ZNF841: variants seen among roughly 807,000 people sequenced by gnomAD.
ZNF841 encodes zinc finger protein 841, also known as TCONS_00006091.
Under a neutral mutation model 13.0 loss-of-function variants are expected in ZNF841, and 11 were observed. The observed-to-expected ratio is 0.85, with a 90% CI of 0.53 to 1.40. ZNF841 has a LOEUF of 1.40. ZNF841 is among the 40% of genes most tolerant of loss of function. The pLI, the probability that ZNF841 is intolerant of heterozygous loss-of-function variation, is 0.00. For synonymous variants in ZNF841, 369 were observed against 381.6 expected, an observed-to-expected ratio of 0.97 and a Z score of 0.38; for missense variants, 1,068 against 1,139.5, an observed-to-expected ratio of 0.94 and a Z score of 0.90.
intron 2 of ZNF841, among the ~76,000 whole-genome samples, chr19:52,093,349 A>C (rs965663100): frequency 2.6e-5 from 4 of 152,204 alleles, no homozygotes; most frequent in Non-Finnish European, 2.9e-5. Flanking sequence ...ACATTATGCT[A>C]GGTGAAATAA....
Position 52,065,213 on chromosome 19 carries a change from G to C in ZNF841, c.2669C>G (p.Ser890Ter), listed in dbSNP as rs1177838942. The C allele has an allele frequency of 1.2e-6, 2 of 1,612,526 alleles. No homozygotes were observed. Among genetic ancestry groups the C allele is most frequent in the Admixed American group, 1.7e-5 (1 of 59,866 alleles). Residue 890 changes from serine to a stop codon, truncating the protein, a stop_gained, in exon 7 of 7, where the codon TCA (serine) becomes TGA (stop). Transcript: ENST00000594440. LOFTEE classifies it low-confidence loss of function (END_TRUNC). ...NECGKSYISR[S>*]GLTKHQIKHA... is the part of the protein sequence containing the mutation. ...TTTTATCTGATGTTTAGTGAGGCCT[G>C]AGCGACTAATGTAAGATTTGCCACA...
At chr19:52,091,614 G>A (rs368904354) in intron 2 of ZNF841, among the ~76,000 whole-genome samples, 79 of 152,152 alleles carry the variant, frequency 5.2e-4, no homozygotes, top group African/African-American at 1.8e-3. Flanking sequence ...AAATCCTGTC[G>A]GGAAAACTGT....
At chr19:52,075,904 A>C (rs1401936297) in intron 6 of ZNF841, 140 bp downstream of exon 6, 1 of 1,232,126 alleles carries the variant, frequency 8.1e-7, no homozygotes, top group African/African-American at 1.5e-5. Flanking sequence ...TCTGGAAAGC[A>C]AAGTGATAAG....
Position 52,065,164 on chromosome 19 carries a change from A to C in ZNF841, c.2718T>G (p.Thr906=), listed in dbSNP as rs764354237. The change falls in exon 7 of 7, where the codon ACT becomes ACG. Residue 906 remains threonine, a synonymous_variant. Transcript: ENST00000594440. ...CTAACGGCCTTTCCACATTGAGTTT[A>C]GTTGTAAGGTTCTCTCCAGCATGTT... ...QIKHAGENLT[T]KLNVERPLDV... The C allele has an allele frequency of 7.7e-5, 122 of 1,578,550 alleles. No individual in the cohort carries two copies. The highest frequency in any genetic ancestry group is 1.7e-6 in the Non-Finnish European group (2 of 1,163,098).
intron 6 of ZNF841, among the ~76,000 whole-genome samples, chr19:52,070,120 A>T (rs1350876283): frequency 1.3e-5 from 2 of 152,218 alleles, no homozygotes; most frequent in Non-Finnish European, 2.9e-5. Flanking sequence ...TGGGTTTGCA[A>T]GATCAAACAT....
chr19:52,066,349 T>G lies in ZNF841; in HGVS notation c.1533A>C (p.Lys511Asn). Residue 511 changes from lysine (K) to asparagine (N), a missense_variant, in exon 7 of 7, where the codon AAA becomes AAC. Physicochemically the swap from Lys to Asn is moderately conservative, Grantham distance 94. Coordinates refer to ENST00000594440, the MANE Select transcript of ZNF841 (RefSeq NM_001136499.2). ...TGCCACATTCATTACATTTGTAAGG[T>G]TTCTCTCCAGTATGAACTCTCTGAT... is the stretch of plus-strand genomic sequence containing the variant. ...AVHQRVHTGEKPYKCNECGKA... is the reference protein window; with the variant it reads ...AVHQRVHTGENPYKCNECGKA... 1 of 1,614,034 alleles carries G rather than the reference T, an allele frequency of 6.2e-7. No homozygotes were observed. The highest frequency in any genetic ancestry group is 8.5e-7 in the Non-Finnish European group (1 of 1,179,950).
the ZNF841 span, among the ~76,000 whole-genome samples, chr19:52,059,355 A>AG: frequency 1.9e-5 from 2 of 103,388 alleles, no homozygotes; most frequent in Admixed American, 1.1e-4. Context: ...GTCTAAAAAA[A>AG]AAAAAAAAAA....
At chr19:52,078,680 C>A (rs1206526758) in intron 4 of ZNF841, among the ~76,000 whole-genome samples, 3 of 125,846 alleles carry the variant, frequency 2.4e-5, no homozygotes, top group Admixed American at 9.3e-5. Flanking sequence ...GCCTGGGTGA[C>A]AGAGCAAGAC....
At chr19:52,064,353 C>CAAAAAAAAAAAAAAAAAAAAAAA (rs56135758), downstream of ZNF841, 2 of 35,396 alleles carry the variant, frequency 5.7e-5, 1 homozygote, top group African/African-American at 1.5e-4. Context: ...ACTCCGTCTC[C>CAAAAAAAAAAAAAAAAAAAAAAA]AAAAAAAAAA....
chr19:52,072,307 C>T (rs533197500), intron 6 of ZNF841, among the ~76,000 whole-genome samples: 85 of 152,180 alleles, frequency 5.6e-4, no homozygotes, highest in Non-Finnish European at 7.4e-4. Context: ...AACTAGAGAA[C>T]CTAAACTATA....
intron 2 of ZNF841, among the ~76,000 whole-genome samples, chr19:52,090,561 T>A (rs1313540349): frequency 1.3e-5 from 2 of 149,942 alleles, no homozygotes; most frequent in Non-Finnish European, 3.0e-5. Context: ...ATCGCCCCAC[T>A]GCATGCCAGC....
intron 4 of ZNF841, among the ~76,000 whole-genome samples, chr19:52,079,922 C>T (rs539733421): frequency 5.6e-5 from 8 of 142,950 alleles, no homozygotes; most frequent in African/African-American, 1.8e-4. Context: ...ACCTGGGAGG[C>T]GGAGGTTGCG....
At chr19:52,086,142 G>A (rs2088266635) in intron 3 of ZNF841, among the ~76,000 whole-genome samples, 1 of 152,154 alleles carries the variant, frequency 6.6e-6, no homozygotes, top group Non-Finnish European at 1.5e-5. Flanking sequence ...GGACAGGTCT[G>A]CAGGGGACAT....
At position 52,067,090 on chromosome 19, in the gene ZNF841, A is replaced by T. The variant is rs747991332; in HGVS notation, c.792T>A (p.Asn264Lys). The change falls in exon 7 of 7, where the codon AAT (asparagine) becomes AAA (lysine). Residue 264 changes from asparagine to lysine, a missense_variant. Transcript: ENST00000594440. ...ACACTCTGAAGGCTTTGCCACACTC[A>T]TTACCTATGTAAGGTTTTTCCCTAA... ...THIREKPYIG[N>K]ECGKAFRVSS... The T allele has an allele frequency of 6.3e-7, 1 of 1,599,890 alleles. No homozygotes were observed. The highest frequency in any genetic ancestry group is 1.7e-5 in the Admixed American group (1 of 57,588).
chr19:52,067,468 T>C lies in ZNF841; in HGVS notation c.414A>G (p.Leu138=). 2 of 1,557,724 alleles carry C rather than the reference T, an allele frequency of 1.3e-6. No individual in the cohort carries two copies. Among genetic ancestry groups the C allele is most frequent in the Non-Finnish European group, 1.7e-6 (2 of 1,149,606 alleles). ...NFYFREIRKN[L]QEVDFQWKDG... The stretch of plus-strand genomic sequence containing the variant: ...CTTTCCATTGAAAGTCAACTTCCTG[T>C]AGATTTTTCCGGATTTCCCTGAAGT... The change falls in exon 7 of 7, where the codon CTA becomes CTG. Residue 138 remains leucine (L), a synonymous_variant. Transcript: ENST00000594440.
At chr19:52,068,382 T>C (rs958438121) in intron 6 of ZNF841, among the ~76,000 whole-genome samples, 4 of 151,820 alleles carry the variant, frequency 2.6e-5, no homozygotes, top group Admixed American at 1.3e-4. Context: ...AGAATAAAAA[T>C]TGGGGACAGG....
intron 3 of ZNF841, among the ~76,000 whole-genome samples, chr19:52,088,011 C>A (rs2088338918): frequency 6.7e-6 from 1 of 148,926 alleles, no homozygotes; most frequent in Non-Finnish European, 1.5e-5. Context: ...GCATCTATAA[C>A]CATCTTAACG....
rs1252666228 is a variant in ZNF841 at position 52,065,807 on chromosome 19, T to C, written c.2075A>G (p.Gln692Arg). The change falls in exon 7 of 7, where the codon CAA (glutamine) becomes CGA (arginine). Residue 692 changes from glutamine (Q) to arginine (R), a missense_variant. Transcript: ENST00000594440. ...GTGATATCTTGCAAGTTTTGAACTT[T>C]GGATAAAAGCCTCACCAAATTCATT... ...HCNEFGEAFI[Q>R]SSKLARYHRN... The C allele has an allele frequency of 4.3e-6, 7 of 1,612,498 alleles. No individual in the cohort carries two copies. The East Asian group carries it at 1.1e-4, about 26-fold the overall frequency.
At chr19:52,086,828 G>A (rs1387885824) in intron 3 of ZNF841, among the ~76,000 whole-genome samples, 1 of 152,208 alleles carries the variant, frequency 6.6e-6, no homozygotes, top group Admixed American at 6.5e-5. Context: ...TTAGAAATGG[G>A]GAGGTCACTG....
Sources: gnomAD v4.1 joint callset for allele counts (sites outside exome capture counted in the v4.1 genomes callset) on GRCh38, gnomAD v4.1.1 for gene constraint, MANE v1.5 for transcripts, NCBI Gene and HGNC (gene_info 2026-07-23, HGNC 2026-07-21) for gene names.